The following USP38 variants were observed in gnomAD, a reference collection of about 807,000 sequenced individuals.
The protein encoded by USP38 is ubiquitin carboxyl-terminal hydrolase 38.
USP38 carries 49 observed loss-of-function variants against 94.3 expected under a neutral mutation model. That is an observed-to-expected ratio of 0.52 (90% CI 0.41 to 0.66). The LOEUF (loss-of-function observed/expected upper bound fraction) is 0.66, where lower values mean the gene tolerates loss of function less well. Ranked by LOEUF, USP38 falls within the 30% of genes least tolerant of loss-of-function variation. The pLI, the probability that USP38 is intolerant of heterozygous loss-of-function variation, is 0.00. For synonymous variants in USP38, 468 were observed against 463.6 expected, an observed-to-expected ratio of 1.01 and a Z score of -0.12; for missense variants, 1,128 against 1,229.4, an observed-to-expected ratio of 0.92 and a Z score of 1.23.
At chr4:143,196,504 T>C (rs1267825916) in intron 3 of USP38, among the ~76,000 whole-genome samples, 2 of 152,162 alleles carry the variant, frequency 1.3e-5, no homozygotes, top group Non-Finnish European at 2.9e-5. Flanking sequence ...CAGCAGTATT[T>C]GGCACAGTCG....
chr4:143,207,738 C>G (rs1458581308), intron 6 of USP38, among the ~76,000 whole-genome samples: 1 of 151,646 alleles, frequency 6.6e-6, no homozygotes, highest in Non-Finnish European at 1.5e-5. Flanking sequence ...GAAAGAATCC[C>G]CATCTTACCA....
intron 5 of USP38, among the ~76,000 whole-genome samples, chr4:143,203,894 G>T (rs114104132): frequency 0.02 from 3,097 of 152,062 alleles, 110 homozygotes; most frequent in African/African-American, 0.071. Flanking sequence ...TATTAGAAGT[G>T]TTAAAGTATA....
In USP38 at chr4:143,187,887, G is replaced by A. The variant is rs780327442; in HGVS notation, c.744G>A (p.Met248Ile). ...TTGTGCAGCATATTCCTCTTCAGATGATTACAGTTCTCATCAGGAGCCTTA... is the reference window on the plus strand; with the variant it reads ...TTGTGCAGCATATTCCTCTTCAGATAATTACAGTTCTCATCAGGAGCCTTA... ...ASLVQHIPLQ[M>I]ITVLIRSLTT... Residue 248 changes from methionine (M) to isoleucine (I), a missense_variant, in exon 2 of 10, where the codon ATG (methionine) becomes ATA (isoleucine). Coordinates refer to ENST00000307017, the MANE Select transcript of USP38 (RefSeq NM_032557.6). The A allele has an allele frequency of 1.2e-6, 2 of 1,613,760 alleles. No homozygotes were observed. The highest frequency in any genetic ancestry group is 1.7e-6 in the Non-Finnish European group (2 of 1,179,776).
At chr4:143,202,705 A>T (rs1052419957) in intron 4 of USP38, among the ~76,000 whole-genome samples, 3 of 152,108 alleles carry the variant, frequency 2.0e-5, no homozygotes, top group South Asian at 4.1e-4. Flanking sequence ...AATATTAACA[A>T]TATTCTATAT....
intron 4 of USP38, among the ~76,000 whole-genome samples, chr4:143,200,231 G>T (rs143033624): frequency 6.6e-6 from 1 of 152,074 alleles, no homozygotes; most frequent in South Asian, 2.1e-4. Context: ...GGGATGCAAG[G>T]TTAGTTTAGC....
intron 6 of USP38, among the ~76,000 whole-genome samples, chr4:143,207,673 T>G (rs1731909883): frequency 6.6e-6 from 1 of 152,096 alleles, no homozygotes. Flanking sequence ...GGAATTTTTT[T>G]TTTTTTTAGA....
chr4:143,197,953 G>C (rs751547360), intron 4 of USP38, 29 bp downstream of exon 4: 19 of 1,500,428 alleles, frequency 1.3e-5, no homozygotes, highest in Non-Finnish European at 1.6e-5. Context: ...GTTCTACTTT[G>C]AAAAAGCCTC....
At position 143,185,511 on chromosome 4, in the gene USP38, A is replaced by G; in HGVS notation, c.61A>G (p.Ile21Val). 1 of 1,611,578 alleles carries G rather than the reference A, an allele frequency of 6.2e-7. No homozygotes were observed. The highest frequency in any genetic ancestry group is 1.3e-5 in the African/African-American group (1 of 74,962). ...SSHPLPLKRV[I>V]VRKVVESAEH... ...GCATCCCCTGCCCCTCAAGCGGGTG[A>G]TTGTGCGGAAGGTGGTGGAATCGGC... The change falls in exon 1 of 10, where the codon ATT (isoleucine) becomes GTT (valine). Residue 21 changes from isoleucine to valine, a missense_variant. Ile to Val is a conservative substitution (Grantham distance 29, BLOSUM62 3). Transcript: ENST00000307017.
chr4:143,185,167 G>T lies in USP38; in HGVS notation c.-284G>T. On this transcript the variant is annotated 5_prime_UTR_variant, in exon 1 of 10. Coordinates refer to ENST00000307017, the MANE Select transcript of USP38 (RefSeq NM_032557.6). ...ACAGGCCCCTCGGCGCTGATGCTGA[G>T]TGGGATCGAGGGCCCGGGGCGGCGG... 3.1e-6 allele frequency: 1 copy of T among 327,546 alleles called. No individual in the cohort carries two copies. 20.3% of individuals were successfully genotyped at this position (327,546 alleles called of 1,614,324 possible).
At chr4:143,215,030 G>T (rs913240549) in intron 9 of USP38, 87 bp downstream of exon 9, 32 of 1,305,910 alleles carry the variant, frequency 2.5e-5, no homozygotes, top group South Asian at 5.9e-5. Context: ...AATCTAACAT[G>T]AGTTTTTATT....
At chr4:143,194,176 G>A (rs1052696180) in intron 2 of USP38, among the ~76,000 whole-genome samples, 2 of 152,172 alleles carry the variant, frequency 1.3e-5, no homozygotes, top group Admixed American at 6.5e-5. Context: ...TTTACATTTT[G>A]TATAATCAAG....
chr4:143,197,612 CAGTT>C (rs2149606679), intron 3 of USP38, among the ~76,000 whole-genome samples: 1 of 152,314 alleles, frequency 6.6e-6, no homozygotes, highest in East Asian at 1.9e-4. Context: ...GGAGTTTTAA[CAGTT>C]GGTTAGGCCA....
At chr4:143,187,684 T>C (rs920837885) in intron 1 of USP38, 142 bp from the exon 2 acceptor site, 6 of 787,730 alleles carry the variant, frequency 7.6e-6, no homozygotes, top group African/African-American at 1.8e-5. Flanking sequence ...AAATTAAGAG[T>C]CTACCCATGA....
At chr4:143,216,443 C>G (rs576913409) in intron 9 of USP38, among the ~76,000 whole-genome samples, 8 of 151,708 alleles carry the variant, frequency 5.3e-5, no homozygotes, top group African/African-American at 1.9e-4. Context: ...TATCAGAGTA[C>G]CCTTTTAAAG....
chr4:143,185,217 A>C lies in USP38; in HGVS notation c.-234A>C. 1 of 489,008 alleles carries C rather than the reference A, an allele frequency of 2.0e-6. No individual in the cohort carries two copies. Among genetic ancestry groups the C allele is most frequent in the Non-Finnish European group, 3.6e-6 (1 of 279,854 alleles). 30.3% of individuals were successfully genotyped at this position (489,008 alleles called of 1,614,324 possible). ...GCGGAGTACGGGCCTCTGGCGCCTT[A>C]GGCCAGCCGCAGGTGTCGGTTCTTA... On this transcript the variant is annotated 5_prime_UTR_variant, in exon 1 of 10. Transcript: ENST00000307017.
At chr4:143,207,409 G>A (rs951083452) in intron 6 of USP38, among the ~76,000 whole-genome samples, 12 of 152,110 alleles carry the variant, frequency 7.9e-5, no homozygotes, top group African/African-American at 9.7e-5. Flanking sequence ...ATGGTGATGT[G>A]TGCCTGTAAT....
chr4:143,214,283 A>G lies in USP38; in HGVS notation c.2307A>G (p.Ser769=), dbSNP rs112533040. The change falls in exon 9 of 10, where the codon TCA becomes TCG. Residue 769 remains serine (S), a synonymous_variant. Transcript: ENST00000307017. ...EYLILTLLRF[S]YDQKYHVRRK... Reference sequence around the variant, plus strand: ...TTATTCTTACTCTCCTGAGATTTTCATATGATCAGAAGTATCATGTGAGAA... The same window carrying G: ...TTATTCTTACTCTCCTGAGATTTTCGTATGATCAGAAGTATCATGTGAGAA... 1.3e-4 allele frequency: 215 copies of G among 1,613,120 alleles called. No homozygotes were observed. The highest frequency in any genetic ancestry group is 1.7e-4 in the Non-Finnish European group (205 of 1,179,708).
Position 143,185,329 on chromosome 4 carries a change from G to C in USP38, c.-122G>C. The C allele has an allele frequency of 9.1e-7, 1 of 1,104,808 alleles. No homozygotes were observed. 68.4% of individuals were successfully genotyped at this position (1,104,808 alleles called of 1,614,324 possible). On this transcript the variant is annotated 5_prime_UTR_variant, in exon 1 of 10. Transcript: ENST00000307017. ...GGCTGCTGAGGCGGCGGTGGCCGTG[G>C]CCCGTCGCGCTGCTGCTGCGGCGCT... is the stretch of plus-strand genomic sequence containing the variant.
chr4:143,209,456 C>T, intron 6 of USP38, 108 bp from the exon 7 acceptor site: 1 of 623,590 alleles, frequency 1.6e-6, no homozygotes, highest in Non-Finnish European at 2.6e-6. Flanking sequence ...TGCCACTGCC[C>T]TCCAGCCTGG....
Sources: allele counts gnomAD v4.1 joint callset (sites outside exome capture counted in the v4.1 genomes callset), GRCh38; gene constraint gnomAD v4.1.1; transcripts MANE v1.5; gene names NCBI Gene and HGNC (gene_info 2026-07-23, HGNC 2026-07-21).